The following SNX20 variants were observed in gnomAD, a reference collection of about 807,000 sequenced individuals.
SNX20 encodes the protein sorting nexin 20.
Under a neutral mutation model 24.5 loss-of-function variants are expected in SNX20, and 21 were observed. That is an observed-to-expected ratio of 0.86 (90% CI 0.61 to 1.23). The LOEUF (loss-of-function observed/expected upper bound fraction) is 1.23. SNX20 is among the 50% of genes most tolerant of loss of function. SNX20 has a pLI of 0.00. For synonymous variants in SNX20, 206 were observed against 192.8 expected (o/e 1.07, Z -0.57); for missense variants, 433 against 430.8 (o/e 1.00, Z -0.04).
In SNX20 at chr16:50,681,306, C is replaced by A. The variant is rs1028925259; in HGVS notation, c.-126G>T. On this transcript the variant is annotated 5_prime_UTR_variant, in exon 1 of 4. Transcript: ENST00000330943. Reference sequence around the variant, plus strand: ...CGAGGGGCTGCCACTTTCTAAGTTCCCCGTTTGAAAACAGGAAACAGGCTG... The same window carrying A: ...CGAGGGGCTGCCACTTTCTAAGTTCACCGTTTGAAAACAGGAAACAGGCTG... 3 of 152,416 alleles carry A rather than the reference C, an allele frequency of 2.0e-5. No homozygotes were observed. The East Asian group carries it at 5.6e-4, about 29-fold the overall frequency. 9.4% of individuals were successfully genotyped at this position (152,416 alleles called of 1,614,324 possible). A position where few individuals can be genotyped will look rare whatever the true frequency, so the allele number is the denominator to read the frequency against.
downstream of SNX20, chr16:50,667,306 T>TG (rs940748393): frequency 2.0e-4 from 31 of 153,352 alleles, no homozygotes; most frequent in South Asian, 6.2e-4. Flanking sequence ...CCGAGGGTGG[T>TG]GGGGGGGTAG....
At position 50,673,997 on chromosome 16, in the gene SNX20, G is replaced by A; in HGVS notation, c.360C>T (p.Phe120=). Reference sequence around the variant, plus strand: ...TCAGCAGCGCTTTCTGGAGCTTCGCGAAGTCGGAATAGCGCCGTTCCAGGA... The same window carrying A: ...TCAGCAGCGCTTTCTGGAGCTTCGCAAAGTCGGAATAGCGCCGTTCCAGGA... ...KAVLERRYSD[F]AKLQKALLKT... The change falls in exon 4 of 4, where the codon TTC becomes TTT. Residue 120 remains phenylalanine, a synonymous_variant. Transcript: ENST00000330943. This position sits in a 1 kb window ranked among gnomAD's most constrained non-coding sequence, Gnocchi z 4.1. The A allele has an allele frequency of 1.2e-6, 2 of 1,612,896 alleles. No individual in the cohort carries two copies. Among genetic ancestry groups the A allele is most frequent in the Non-Finnish European group, 8.5e-7 (1 of 1,179,586 alleles).
chr16:50,676,041 A>G, intron 2 of SNX20, 120 bp from the exon 3 acceptor site: 1 of 1,098,974 alleles, frequency 9.1e-7, no homozygotes, highest in Non-Finnish European at 1.2e-6. Context: ...AGTATTGAAT[A>G]TCCCTCTCTC....
chr16:50,679,551 G>T (rs570273394), intron 1 of SNX20, among the ~76,000 whole-genome samples: 188 of 152,230 alleles, frequency 1.2e-3, no homozygotes, highest in Non-Finnish European at 1.3e-3. Context: ...AGGGCTGCAC[G>T]TTCTTGAGCA....
At chr16:50,669,663 T>C (rs12448797), downstream of SNX20, 20,519 of 152,384 alleles carry the variant, frequency 0.13, 3,731 homozygotes, top group African/African-American at 0.41. Context: ...TAATGTGGAG[T>C]TCAGCAAGGA....
Position 50,672,296 on chromosome 16 carries a change from T to A in SNX20, c.*1110A>T, listed in dbSNP as rs959254306. 1.3e-5 allele frequency: 2 copies of A among 152,230 alleles called. No homozygotes were observed. The highest frequency in any genetic ancestry group is 4.8e-5 in the African/African-American group (2 of 41,444). 9.4% of individuals were successfully genotyped at this position (152,230 alleles called of 1,614,324 possible). A position where few individuals can be genotyped will look rare whatever the true frequency, so the allele number is the denominator to read the frequency against. ...ACCTCCTCCCCAGGCTGTTTCTACA[T>A]AACCCAGGGAAGCCATTCAGGGAAC... On this transcript the variant is annotated 3_prime_UTR_variant, in exon 4 of 4. Transcript: ENST00000330943.
At chr16:50,670,821 C>CGTGGAT (rs113405213), downstream of SNX20, 6,085 of 152,304 alleles carry the variant, frequency 0.04, 396 homozygotes, top group African/African-American at 0.14. Flanking sequence ...AAGAAACTCC[C>CGTGGAT]GTGGATGCTC....
In SNX20 at chr16:50,675,891, C is replaced by T. The variant is rs1963171241; in HGVS notation, c.161G>A (p.Ser54Asn). The T allele has an allele frequency of 6.2e-7, 1 of 1,611,300 alleles. No homozygotes were observed. The highest frequency in any genetic ancestry group is 1.3e-5 in the African/African-American group (1 of 74,674). The change falls in exon 3 of 4, where the codon AGC becomes AAC. Residue 54 changes from serine (S) to asparagine (N), a missense_variant. Coordinates refer to ENST00000330943, the MANE Select transcript of SNX20 (RefSeq NM_182854.4). ...DTHSGLSSNSSMTTRELQQYW... is the reference protein window; with the variant it reads ...DTHSGLSSNSNMTTRELQQYW... ...CTGCTGAAGCTCCCGCGTGGTCATG[C>T]TGGAGTTGGAGCTCAGGCCACTGTG...
chr16:50,667,844 G>C, downstream of SNX20: 1 of 671,746 alleles, frequency 1.5e-6, no homozygotes, highest in East Asian at 2.7e-5. Context: ...GGCCGAGCCT[G>C]GGAGCTGACA....
Position 50,677,494 on chromosome 16 carries a change from G to T in SNX20, c.33C>A (p.Gly11=), listed in dbSNP as rs1177462840. The change falls in exon 2 of 4, where the codon GGC becomes GGA. Residue 11 remains glycine (G), a synonymous_variant. Transcript: ENST00000330943. ...TGCACTGGGTTATGGGTCCCATGCA[G>T]CCAGGGCTCCCAGGGTGCTCTGGAC... MASPEHPGSP[G]CMGPITQCTA... is the part of the protein sequence containing the mutation. 1 of 1,604,286 alleles carries T rather than the reference G, an allele frequency of 6.2e-7. No individual in the cohort carries two copies. Among genetic ancestry groups the T allele is most frequent in the South Asian group, 1.1e-5 (1 of 89,872 alleles).
Position 50,673,895 on chromosome 16 carries a change from G to T in SNX20, c.462C>A (p.Ile154=). 6.2e-7 allele frequency: 1 copy of T among 1,610,640 alleles called. No homozygotes were observed. Among genetic ancestry groups the T allele is most frequent in the Non-Finnish European group, 8.5e-7 (1 of 1,179,680 alleles). ...HLTGNFAEEM[I]CERRRALQEY... ...CCTGCAGGGCGCGCCGACGCTCACA[G>T]ATCATCTCCTCAGCGAAGTTCCCAG... The change falls in exon 4 of 4, where the codon ATC becomes ATA. Residue 154 remains isoleucine (I), a synonymous_variant. Coordinates refer to ENST00000330943, the MANE Select transcript of SNX20 (RefSeq NM_182854.4). The surrounding 1 kb of genome is among the most constrained non-coding windows in gnomAD (Gnocchi z 4.1).
At chr16:50,669,507 C>T (rs1962993111), downstream of SNX20, 2 of 196,078 alleles carry the variant, frequency 1.0e-5, no homozygotes, top group Non-Finnish European at 2.1e-5. Context: ...ATGAGCCAAA[C>T]ATCTCCCACC....
intron 1 of SNX20, among the ~76,000 whole-genome samples, chr16:50,680,148 A>T (rs1330512810): frequency 6.6e-6 from 1 of 152,146 alleles, no homozygotes; most frequent in Non-Finnish European, 1.5e-5. Flanking sequence ...GGGGAAGGAA[A>T]GAGTTGTGCA....
Position 50,673,357 on chromosome 16 carries a change from G to T in SNX20, c.*49C>A, listed in dbSNP as rs1473490853. On this transcript the variant is annotated 3_prime_UTR_variant, in exon 4 of 4. Coordinates refer to ENST00000330943, the MANE Select transcript of SNX20 (RefSeq NM_182854.4). This position sits in a 1 kb window ranked among gnomAD's most constrained non-coding sequence, Gnocchi z 4.1. Reference sequence around the variant, plus strand: ...AAGAACCCCAAACAGCCCACTGTGAGCCATGGTGACCCCAAATCTCCAGCG... The same window carrying T: ...AAGAACCCCAAACAGCCCACTGTGATCCATGGTGACCCCAAATCTCCAGCG... 3.5e-6 allele frequency: 5 copies of T among 1,429,246 alleles called. No individual in the cohort carries two copies. In the African/African-American group the frequency reaches 7.4e-5, roughly 21 times the overall value. The allele number at this position is 1,429,246 out of a possible 1,614,324, so 88.5% of individuals were successfully genotyped here.
In SNX20 at chr16:50,673,923, A is replaced by G. The variant is rs910456129; in HGVS notation, c.434T>C (p.Leu145Pro). 3 of 1,612,218 alleles carry G rather than the reference A, an allele frequency of 1.9e-6. No individual in the cohort carries two copies. Among genetic ancestry groups the G allele is most frequent in the Admixed American group, 3.3e-5 (2 of 59,828 alleles). ...CATCTCCTCAGCGAAGTTCCCAGTC[A>G]GGTGCTTCCTGGGAAACTCCACGTC... ...IEDVEFPRKHLTGNFAEEMIC... is the reference protein window; with the variant it reads ...IEDVEFPRKHPTGNFAEEMIC... The change falls in exon 4 of 4, where the codon CTG becomes CCG. Residue 145 changes from leucine to proline, a missense_variant. Leu to Pro is a moderately conservative substitution (Grantham distance 98). Transcript: ENST00000330943. This position sits in a 1 kb window ranked among gnomAD's most constrained non-coding sequence, Gnocchi z 4.1.
downstream of SNX20, chr16:50,668,295 G>C: frequency 7.2e-7 from 1 of 1,388,442 alleles, no homozygotes; most frequent in Non-Finnish European, 9.4e-7. Flanking sequence ...GTAAATCAAA[G>C]AGAAGTCTCA....
rs1048975860 is a variant in SNX20, at chr16:50,673,563, T to C, written c.794A>G (p.Tyr265Cys). The change falls in exon 4 of 4, where the codon TAC (tyrosine) becomes TGC (cysteine). Residue 265 changes from tyrosine (Y) to cysteine (C), a missense_variant. Transcript: ENST00000330943. This position sits in a 1 kb window ranked among gnomAD's most constrained non-coding sequence, Gnocchi z 4.1. Reference sequence around the variant, plus strand: ...CATGGCGTCCAGCAGAGGCGCATAGTAGCGATGGCCCTCCCGGGCCTGCAG... The same window carrying C: ...CATGGCGTCCAGCAGAGGCGCATAGCAGCGATGGCCCTCCCGGGCCTGCAG... The part of the protein sequence containing the change: ...QRLQAREGHR[Y>C]YAPLLDAMVR... 1.2e-6 allele frequency: 2 copies of C among 1,603,048 alleles called. No homozygotes were observed. The highest frequency in any genetic ancestry group is 1.7e-6 in the Non-Finnish European group (2 of 1,177,498).
intron 3 of SNX20, 54 bp downstream of exon 3, chr16:50,675,716 G>T (rs1397301071): frequency 6.2e-7 from 1 of 1,603,278 alleles, no homozygotes; most frequent in African/African-American, 1.3e-5. Flanking sequence ...CTTATTCAGG[G>T]CCAGGAAGGA....
At chr16:50,670,474 C>T (rs1963019991), downstream of SNX20, 1 of 152,284 alleles carries the variant, frequency 6.6e-6, no homozygotes, top group African/African-American at 2.4e-5. Context: ...CTCACCTCTC[C>T]TGTGGACCCA....
Sources: gnomAD v4.1 joint callset for allele counts (sites outside exome capture counted in the v4.1 genomes callset) on GRCh38, gnomAD v4.1.1 for gene constraint, Gnocchi (gnomAD v3.1) non-coding constraint, MANE v1.5 for transcripts, NCBI Gene and HGNC (gene_info 2026-07-23, HGNC 2026-07-21) for gene names.